The following TLE4 variants were observed in gnomAD, a reference collection of about 807,000 sequenced individuals.
The protein encoded by TLE4 is transducin-like enhancer protein 4.
TLE4 carries 8 observed loss-of-function variants against 92.8 expected under a neutral mutation model. The observed-to-expected ratio is 0.09, with a 90% CI of 0.05 to 0.16. The LOEUF (loss-of-function observed/expected upper bound fraction) is 0.16. TLE4 is among the 10% of genes least tolerant of loss of function. The pLI, the probability that TLE4 is intolerant of heterozygous loss-of-function variation, is 1.00. For missense variants in TLE4, 675 were observed against 997.6 expected, an observed-to-expected ratio of 0.68 and a Z score of 4.36; for synonymous variants, 371 against 374.1, an observed-to-expected ratio of 0.99 and a Z score of 0.10.
At chr9:79,599,456 A>G (rs1431767960) in intron 4 of TLE4, among the ~76,000 whole-genome samples, 3 of 152,166 alleles carry the variant, frequency 2.0e-5, no homozygotes, top group African/African-American at 7.2e-5. Flanking sequence ...AAGGTCCACT[A>G]GTAATGCTGA....
intron 5 of TLE4, among the ~76,000 whole-genome samples, chr9:79,617,434 A>T (rs560905079): frequency 6.6e-6 from 1 of 152,302 alleles, no homozygotes; most frequent in South Asian, 2.1e-4. Flanking sequence ...TGTTCCTAAG[A>T]TCTTTGAGAA....
At chr9:79,677,384 A>G (rs959039289) in intron 8 of TLE4, among the ~76,000 whole-genome samples, 10 of 152,272 alleles carry the variant, frequency 6.6e-5, no homozygotes, top group African/African-American at 2.2e-4. Flanking sequence ...GCAGACTGCT[A>G]GAGCATCCTG....
rs2060366023 is a variant in TLE4 at position 79,660,456 on chromosome 9, T to C, written c.609+6381T>C. Among the ~76,000 whole-genome samples, 3 of 152,236 alleles carry C rather than the reference T, an allele frequency of 2.0e-5. No individual in the cohort carries two copies. The South Asian group carries it at 6.2e-4, about 31-fold the overall frequency. On this transcript the variant is annotated intron_variant, in intron 8 of 19. Coordinates refer to ENST00000376552, the MANE Select transcript of TLE4 (RefSeq NM_007005.6). ...CGGTGGTAGGGTGATAAAGTATGCCTTTCAAGCATTTAACGTTATAACTCT... is the reference window on the plus strand; with the variant it reads ...CGGTGGTAGGGTGATAAAGTATGCCCTTCAAGCATTTAACGTTATAACTCT...
chr9:79,598,716 C>T (rs1359127474), intron 4 of TLE4, among the ~76,000 whole-genome samples: 4 of 152,100 alleles, frequency 2.6e-5, no homozygotes, highest in Admixed American at 2.6e-4. Context: ...TCACATTACT[C>T]TCTCCCCAAA....
At chr9:79,640,767 G>A (rs751716922) in intron 6 of TLE4, among the ~76,000 whole-genome samples, 3 of 151,952 alleles carry the variant, frequency 2.0e-5, no homozygotes, top group Non-Finnish European at 2.9e-5. Context: ...CTACTAGCCG[G>A]TCTCCTGCCC....
chr9:79,645,040 C>A lies in TLE4; in HGVS notation c.391-7553C>A, dbSNP rs899228279. Among the ~76,000 whole-genome samples the A allele has an allele frequency of 9.2e-5, 14 of 152,270 alleles. 1 individual carries two copies. Among genetic ancestry groups the A allele is most frequent in the African/African-American group, 3.4e-4 (14 of 41,550 alleles). On this transcript the variant is annotated intron_variant, in intron 6 of 19. Transcript: ENST00000376552. Reference sequence around the variant, plus strand: ...TTCTTGGGGTACCAAAAACTCCATTCCTGAAAATGTTTTTTGAAAATGTGT... The same window carrying A: ...TTCTTGGGGTACCAAAAACTCCATTACTGAAAATGTTTTTTGAAAATGTGT...
intron 4 of TLE4, among the ~76,000 whole-genome samples, chr9:79,592,188 CT>C (rs2042763338): frequency 1.0e-5 from 1 of 99,724 alleles, no homozygotes; most frequent in Admixed American, 1.0e-4. Flanking sequence ...TCTTCCTCTT[CT>C]TCTTCTTCTT....
chr9:79,709,882 A>G (rs1276945763), intron 14 of TLE4, among the ~76,000 whole-genome samples, 183 bp downstream of exon 14: 1 of 152,204 alleles, frequency 6.6e-6, no homozygotes, highest in Non-Finnish European at 1.5e-5. Context: ...GGGGTTTTGC[A>G]TTGTAAAATT....
chr9:79,626,303 A>C (rs1294437352), intron 5 of TLE4, among the ~76,000 whole-genome samples: 1 of 152,214 alleles, frequency 6.6e-6, no homozygotes, highest in African/African-American at 2.4e-5. Context: ...GCAGTGTGGT[A>C]GTTGAGCTTC....
At chr9:79,660,400 G>A (rs1480509937) in intron 8 of TLE4, among the ~76,000 whole-genome samples, 1 of 152,168 alleles carries the variant, frequency 6.6e-6, no homozygotes, top group Admixed American at 6.5e-5. Flanking sequence ...TAAACACAGT[G>A]GTTAGAAGTG....
At chr9:79,650,832 A>G (rs1390687396) in intron 6 of TLE4, among the ~76,000 whole-genome samples, 1 of 152,120 alleles carries the variant, frequency 6.6e-6, no homozygotes, top group Non-Finnish European at 1.5e-5. Flanking sequence ...TTTTAAGTGC[A>G]TGTAGCCAGA....
Position 79,654,868 on chromosome 9 carries a change from G to A in TLE4, c.609+793G>A, listed in dbSNP as rs2059548683. Among the ~76,000 whole-genome samples, 4 of 152,210 alleles carry A rather than the reference G, an allele frequency of 2.6e-5. No homozygotes were observed. In the South Asian group the frequency reaches 8.3e-4, roughly 32 times the overall value. ...ATATAAATACACCATTGTAGGCCGG[G>A]CTTGGTGGTTCATGCCTGTAATCCC... On this transcript the variant is annotated intron_variant, in intron 8 of 19. Transcript: ENST00000376552.
chr9:79,690,655 TCTCA>T (rs1014748255), intron 8 of TLE4, among the ~76,000 whole-genome samples: 1 of 151,616 alleles, frequency 6.6e-6, no homozygotes, highest in African/African-American at 2.4e-5. Context: ...GGGATCTCAC[TCTCA>T]CTCAGGCTGG....
intron 8 of TLE4, among the ~76,000 whole-genome samples, chr9:79,700,648 T>C (rs1275343308): frequency 6.6e-6 from 1 of 152,222 alleles, no homozygotes; most frequent in African/African-American, 2.4e-5. Context: ...TAGTATTTTT[T>C]TCTTGGTTTC....
rs544763234 is a variant in TLE4, at chr9:79,647,859, A to G, written c.391-4734A>G. 3.3e-5 allele frequency among the ~76,000 whole-genome samples: 5 copies of G among 152,086 alleles called. No homozygotes were observed. The South Asian group carries it at 1.0e-3, about 32-fold the overall frequency. ...TTAAGTGGTGTCAGAATTGAGAGAC[A>G]GTGGTGGAGATTACTTTGAGCCGGG... On this transcript the variant is annotated intron_variant, in intron 6 of 19. Transcript: ENST00000376552.
chr9:79,631,396 A>T (rs1359342928), intron 6 of TLE4, among the ~76,000 whole-genome samples: 2 of 152,236 alleles, frequency 1.3e-5, no homozygotes, highest in Non-Finnish European at 2.9e-5. Flanking sequence ...CAGGAAAAAA[A>T]CATTACATTT....
At chr9:79,613,243 A>G (rs571493474) in intron 5 of TLE4, among the ~76,000 whole-genome samples, 1 of 152,132 alleles carries the variant, frequency 6.6e-6, no homozygotes, top group Non-Finnish European at 1.5e-5. Context: ...AGATGAACTC[A>G]TTGAACTCGT....
chr9:79,709,613 A>G lies in TLE4; in HGVS notation c.1264-10A>G, dbSNP rs746880916. 1 of 1,613,490 alleles carries G rather than the reference A, an allele frequency of 6.2e-7. No homozygotes were observed. The highest frequency in any genetic ancestry group is 1.1e-5 in the South Asian group (1 of 90,972). On this transcript the variant is annotated splice_polypyrimidine_tract_variant and intron_variant, in intron 13 of 19. Transcript: ENST00000376552. The stretch of plus-strand genomic sequence containing the variant: ...GCTTATTTCTGTTGTTTGCTTGGGA[A>G]AAATTCTAGGTGGGATTTGATCCAC...
At position 79,629,032 on chromosome 9, in the gene TLE4, A is replaced by G. The variant is rs572542627; in HGVS notation, c.390+1584A>G. On this transcript the variant is annotated intron_variant, in intron 6 of 19. Coordinates refer to ENST00000376552, the MANE Select transcript of TLE4 (RefSeq NM_007005.6). ...GAAGGGATAGAACCTACATTTCTCT[A>G]CTGTCTCTACTGTTTACCATGGAGA... Among the ~76,000 whole-genome samples the G allele has an allele frequency of 2.6e-5, 4 of 152,100 alleles. No individual in the cohort carries two copies. The South Asian group carries it at 8.3e-4, about 32-fold the overall frequency.
Sources: allele counts gnomAD v4.1 joint callset (sites outside exome capture counted in the v4.1 genomes callset), GRCh38; gene constraint gnomAD v4.1.1; transcripts MANE v1.5; gene names NCBI Gene and HGNC (gene_info 2026-07-23, HGNC 2026-07-21).